KRT6B: variants seen among roughly 807,000 people sequenced by gnomAD.
KRT6B encodes the protein keratin, type II cytoskeletal 6B.
KRT6B carries 29 observed loss-of-function variants against 44.7 expected under a neutral mutation model. That is an observed-to-expected ratio of 0.65 (90% CI 0.48 to 0.88). KRT6B has a LOEUF of 0.88. Among genes scored for constraint, KRT6B ranks in the 40% least tolerant of loss-of-function variants. The probability of loss-of-function intolerance (pLI) is 0.00; values close to 1 mark genes in which losing one functional copy is unlikely to be tolerated. For missense variants in KRT6B, 600 were observed against 724.0 expected, an observed-to-expected ratio of 0.83 and a Z score of 1.97; for synonymous variants, 213 against 296.0, an observed-to-expected ratio of 0.72 and a Z score of 2.88.
intron 6 of KRT6B, among the ~76,000 whole-genome samples, chr12:52,448,422 C>T (rs1565799674): frequency 1.3e-5 from 2 of 152,190 alleles, no homozygotes; most frequent in Admixed American, 1.3e-4. Context: ...CATCCTCTCA[C>T]CTGCTTGGGC....
At chr12:52,448,988 G>A in intron 5 of KRT6B, 21 bp from the exon 6 acceptor site, 2 of 1,611,466 alleles carry the variant, frequency 1.2e-6, no homozygotes, top group East Asian at 2.2e-5. Flanking sequence ...GAGGTGGAGA[G>A]AGAGACAGTG....
rs371417078 is a variant in KRT6B at position 52,452,106 on chromosome 12, G to T, written c.-28C>A. ...TTCCAGGAGATGAGAGGGCTTAGGA[G>T]AGTGTGAGAGGCTGGAGGCGAGAGG... On this transcript the variant is annotated 5_prime_UTR_variant, in exon 1 of 9. Coordinates refer to ENST00000252252, the MANE Select transcript of KRT6B (RefSeq NM_005555.4). 5 of 1,614,070 alleles carry T rather than the reference G, an allele frequency of 3.1e-6. No homozygotes were observed. The highest frequency in any genetic ancestry group is 4.2e-6 in the Non-Finnish European group (5 of 1,180,034).
At chr12:52,450,967 CTTAG>C (rs951005983) in intron 1 of KRT6B, among the ~76,000 whole-genome samples, 9 of 152,158 alleles carry the variant, frequency 5.9e-5, no homozygotes, top group African/African-American at 9.7e-5. Flanking sequence ...CCGAGAGGAT[CTTAG>C]TTAGGAGGGA....
Position 52,450,947 on chromosome 12 carries a change from G to GT in KRT6B, c.541-328dup, listed in dbSNP as rs71092765. On this transcript the variant is annotated intron_variant, in intron 1 of 8. Coordinates refer to ENST00000252252, the MANE Select transcript of KRT6B (RefSeq NM_005555.4). ...CTAATTACCTGATATATTGTACACA[G>GT]TTTTTTTTACCGAGAGGATCTTAGT... is the stretch of plus-strand genomic sequence containing the variant. Among the ~76,000 whole-genome samples the GT allele has an allele frequency of 3.2e-4, 49 of 152,202 alleles. No homozygotes were observed. The East Asian group carries it at 3.9e-3, about 12-fold the overall frequency.
chr12:52,448,087 C>G (rs1940342098), intron 6 of KRT6B, 89 bp from the exon 7 acceptor site: 1 of 1,531,150 alleles, frequency 6.5e-7, no homozygotes, highest in South Asian at 1.1e-5. Flanking sequence ...GAAGAAGGCA[C>G]CAGGAACCCA....
At chr12:52,450,755 G>A in intron 1 of KRT6B, 135 bp from the exon 2 acceptor site, 1 of 1,389,812 alleles carries the variant, frequency 7.2e-7, no homozygotes, top group Non-Finnish European at 1.0e-6. Flanking sequence ...CTCAGGCTGA[G>A]CTCTGCTCCC....
Position 52,447,573 on chromosome 12 carries a change from C to T in KRT6B, c.1425G>A (p.Arg475=), listed in dbSNP as rs758625476. ...CTTGTCCAACGCCTTCGCCATTCAGCCTGTGGAGAGGAACACAGGGAGGGT... is the reference window on the plus strand; with the variant it reads ...CTTGTCCAACGCCTTCGCCATTCAGTCTGTGGAGAGGAACACAGGGAGGGT... The part of the protein sequence containing the change: ...YRKLLEGEEC[R]LNGEGVGQVN... Residue 475 remains arginine (R), a splice_region_variant and synonymous_variant, in exon 8 of 9, where the codon AGG becomes AGA. Transcript: ENST00000252252. The T allele has an allele frequency of 1.2e-6, 2 of 1,613,870 alleles. No homozygotes were observed. Among genetic ancestry groups the T allele is most frequent in the Non-Finnish European group, 8.5e-7 (1 of 1,179,876 alleles).
chr12:52,448,726 T>C, intron 6 of KRT6B, 116 bp downstream of exon 6: 1 of 1,554,358 alleles, frequency 6.4e-7, no homozygotes, highest in Non-Finnish European at 8.8e-7. Context: ...CTGCATGTCT[T>C]TCCTTCTCTG....
chr12:52,447,764 C>T lies in KRT6B; in HGVS notation c.1424+14G>A, dbSNP rs372914150. On this transcript the variant is annotated intron_variant, in intron 7 of 8. Coordinates refer to ENST00000252252, the MANE Select transcript of KRT6B (RefSeq NM_005555.4). ...TGGACTCAGCTGTTGGAGGAAGTCG[C>T]GTCAGTTACCCACCTGCACTCCTCG... 1.5e-5 allele frequency: 24 copies of T among 1,614,098 alleles called. No homozygotes were observed. Among genetic ancestry groups the T allele is most frequent in the Admixed American group, 5.0e-5 (3 of 60,012 alleles).
Position 52,449,581 on chromosome 12 carries a change from A to T in KRT6B, c.965T>A (p.Met322Lys), listed in dbSNP as rs779744349. The change falls in exon 5 of 9, where the codon ATG becomes AAG. Residue 322 changes from methionine (M) to lysine (K), a missense_variant. Physicochemically the swap from Met to Lys is moderately conservative, Grantham distance 95. Coordinates refer to ENST00000252252, the MANE Select transcript of KRT6B (RefSeq NM_005555.4). ...CAGGTCCAGGTTGCGGTTGTTGTCC[A>T]TGGATAGCACCACGGATGTGTCTGA... Reference protein sequence around the residue: ...HISDTSVVLSMDNNRNLDLDS... With the variant: ...HISDTSVVLSKDNNRNLDLDS... 3 of 1,614,106 alleles carry T rather than the reference A, an allele frequency of 1.9e-6. No homozygotes were observed. The highest frequency in any genetic ancestry group is 8.5e-7 in the Non-Finnish European group (1 of 1,180,052).
In KRT6B at chr12:52,447,348, T is replaced by C. The variant is rs780534493; in HGVS notation, c.1537A>G (p.Ser513Gly). 2.0e-5 allele frequency: 32 copies of C among 1,614,018 alleles called. No individual in the cohort carries two copies. The highest frequency in any genetic ancestry group is 2.6e-5 in the Non-Finnish European group (31 of 1,179,878). ...AGACCACTGCCATAGGAGTAGCTGCTTCCTCCACCCAGGCCTAAGCCACTG... is the reference window on the plus strand; with the variant it reads ...AGACCACTGCCATAGGAGTAGCTGCCTCCTCCACCCAGGCCTAAGCCACTG... ...VGSGLGLGGG[S>G]SYSYGSGLGV... The change falls in exon 9 of 9, where the codon AGC (serine) becomes GGC (glycine). Residue 513 changes from serine (S) to glycine (G), a missense_variant. Ser to Gly is a moderately conservative substitution (Grantham distance 56). This residue lies in a region of KRT6B where 479 missense variants were observed against 454.2 expected (regional missense o/e 1.05). Transcript: ENST00000252252.
At chr12:52,449,714 G>A in intron 4 of KRT6B, 44 bp downstream of exon 4, 1 of 1,614,132 alleles carries the variant, frequency 6.2e-7, no homozygotes, top group Non-Finnish European at 8.5e-7. Flanking sequence ...TCTCCCCTTT[G>A]CAGACCCCAT....
chr12:52,452,109 T>G lies in KRT6B; in HGVS notation c.-31A>C. On this transcript the variant is annotated 5_prime_UTR_variant, in exon 1 of 9. Transcript: ENST00000252252. ...CAGGAGATGAGAGGGCTTAGGAGAG[T>G]GTGAGAGGCTGGAGGCGAGAGGGAG... is the stretch of plus-strand genomic sequence containing the variant. The G allele has an allele frequency of 6.2e-7, 1 of 1,613,296 alleles. No homozygotes were observed.
At position 52,449,483 on chromosome 12, in the gene KRT6B, A is replaced by C. The variant is rs777300878; in HGVS notation, c.1063T>G (p.Trp355Gly). ...AQRSRAEAES[W>G]YQTKYEELQI... ...TCCGTGCTCACCTTTGTCTGGTACC[A>C]GGACTCAGCCTCAGCCCTGCTCCTC... The change falls in exon 5 of 9, where the codon TGG becomes GGG. Residue 355 changes from tryptophan (W) to glycine (G), a missense_variant. Physicochemically the swap from Trp to Gly is radical, Grantham distance 184. This residue lies in a region of KRT6B where 479 missense variants were observed against 454.2 expected (regional missense o/e 1.05). Coordinates refer to ENST00000252252, the MANE Select transcript of KRT6B (RefSeq NM_005555.4). 2 of 1,614,182 alleles carry C rather than the reference A, an allele frequency of 1.2e-6. No individual in the cohort carries two copies. The highest frequency in any genetic ancestry group is 2.2e-5 in the South Asian group (2 of 91,078).
Position 52,449,827 on chromosome 12 carries a change from C to T in KRT6B, c.843G>A (p.Lys281=). Residue 281 remains lysine, a synonymous_variant, in exon 4 of 9, where the codon AAG becomes AAA. Coordinates refer to ENST00000252252, the MANE Select transcript of KRT6B (RefSeq NM_005555.4). ...KKDVDAAYMN[K]VELQAKADTL... ...TGTCTGCCTTGGCTTGCAGTTCAAC[C>T]TTGTTCATGTAGGCAGCATCCACAT... The T allele has an allele frequency of 1.2e-6, 2 of 1,613,972 alleles. No individual in the cohort carries two copies. The highest frequency in any genetic ancestry group is 1.7e-6 in the Non-Finnish European group (2 of 1,179,890).
At position 52,452,132 on chromosome 12, in the gene KRT6B, G is replaced by A. The variant is rs899454387; in HGVS notation, c.-54C>T. ...AGTGTGAGAGGCTGGAGGCGAGAGG[G>A]AGGAGAAGCAGGACGAGGAATCGGA... On this transcript the variant is annotated 5_prime_UTR_variant, in exon 1 of 9. Coordinates refer to ENST00000252252, the MANE Select transcript of KRT6B (RefSeq NM_005555.4). 6.2e-7 allele frequency: 1 copy of A among 1,613,124 alleles called. No individual in the cohort carries two copies. Among genetic ancestry groups the A allele is most frequent in the Non-Finnish European group, 8.5e-7 (1 of 1,179,668 alleles).
rs572718504 is a variant in KRT6B at position 52,449,803 on chromosome 12, G to T, written c.867C>A (p.Asp289Glu). 6.2e-7 allele frequency: 1 copy of T among 1,613,992 alleles called. No homozygotes were observed. The highest frequency in any genetic ancestry group is 2.2e-5 in the East Asian group (1 of 44,876). Reference sequence around the variant, plus strand: ...GGAAGTTGATCTCATCTGTAAGAGTGTCTGCCTTGGCTTGCAGTTCAACCT... The same window carrying T: ...GGAAGTTGATCTCATCTGTAAGAGTTTCTGCCTTGGCTTGCAGTTCAACCT... ...MNKVELQAKA[D>E]TLTDEINFLR... is the part of the protein sequence containing the mutation. Residue 289 changes from aspartate to glutamate, a missense_variant, in exon 4 of 9, where the codon GAC becomes GAA. Physicochemically the swap from Asp to Glu is conservative, Grantham distance 45. Around this residue, in one of 4 missense-constraint regions of KRT6B, gnomAD observed 479 missense variants for 454.2 expected, o/e 1.05. Coordinates refer to ENST00000252252, the MANE Select transcript of KRT6B (RefSeq NM_005555.4).
In KRT6B at chr12:52,447,905, C is replaced by T. The variant is rs1156415049; in HGVS notation, c.1297G>A (p.Ala433Thr). 1.2e-6 allele frequency: 2 copies of T among 1,614,086 alleles called. No individual in the cohort carries two copies. The highest frequency in any genetic ancestry group is 2.7e-5 in the African/African-American group (2 of 74,934). ...AGGTCCTGCTTGGCCTTCTGCAGGG[C>T]ATCCTCCAGCCCTTCCAGCTTGTTC... ...AKNKLEGLEDALQKAKQDLAR... is the reference protein window; with the variant it reads ...AKNKLEGLEDTLQKAKQDLAR... Residue 433 changes from alanine to threonine, a missense_variant, in exon 7 of 9, where the codon GCC (alanine) becomes ACC (threonine). Ala to Thr is a moderately conservative substitution (Grantham distance 58). This residue lies in a region of KRT6B where 479 missense variants were observed against 454.2 expected (regional missense o/e 1.05). Coordinates refer to ENST00000252252, the MANE Select transcript of KRT6B (RefSeq NM_005555.4).
rs1338124514 is a variant in KRT6B, at chr12:52,446,763, C to T, written c.*427G>A. ...AGGTACATCACTTGCCATTCAGGGA[C>T]ACTGCAAGAGAAGATCAGGACAACT... On this transcript the variant is annotated 3_prime_UTR_variant, in exon 9 of 9. Coordinates refer to ENST00000252252, the MANE Select transcript of KRT6B (RefSeq NM_005555.4). 4.2e-6 allele frequency: 1 copy of T among 235,602 alleles called. No individual in the cohort carries two copies. Among genetic ancestry groups the T allele is most frequent in the Non-Finnish European group, 8.3e-6 (1 of 120,814 alleles). 14.6% of individuals were successfully genotyped at this position (235,602 alleles called of 1,614,324 possible).
Sources: gnomAD v4.1 joint callset for allele counts (sites outside exome capture counted in the v4.1 genomes callset) on GRCh38, gnomAD v4.1.1 for gene constraint, gnomAD v4.1.1 regional missense constraint, MANE v1.5 for transcripts, NCBI Gene and HGNC (gene_info 2026-07-23, HGNC 2026-07-21) for gene names.